The following CNTN4 variants were observed in gnomAD, a reference collection of about 807,000 sequenced individuals.
CNTN4 encodes contactin-4.
In CNTN4, 77 loss-of-function variants were observed where a neutral mutation model predicts 122.5. That is an observed-to-expected ratio of 0.63 (90% CI 0.52 to 0.76). The LOEUF is 0.76. Ranked by LOEUF, CNTN4 falls within the 30% of genes least tolerant of loss-of-function variation. The pLI, the probability that CNTN4 is intolerant of heterozygous loss-of-function variation, is 0.00. For synonymous variants in CNTN4, 512 were observed against 447.0 expected, an observed-to-expected ratio of 1.15 and a Z score of -1.83; for missense variants, 1,256 against 1,259.1, an observed-to-expected ratio of 1.00 and a Z score of 0.04.
intron 3 of CNTN4, among the ~76,000 whole-genome samples, chr3:2,357,896 A>G (rs553261100): frequency 1.1e-3 from 175 of 152,326 alleles, no homozygotes; most frequent in African/African-American, 4.0e-3. Flanking sequence ...TGAATTTCCA[A>G]AATAATACTC....
At chr3:2,201,440 A>C (rs927402956) in intron 2 of CNTN4, among the ~76,000 whole-genome samples, 2 of 152,218 alleles carry the variant, frequency 1.3e-5, no homozygotes, top group Admixed American at 6.5e-5. Context: ...CTTAATCAAC[A>C]GTTCAAATAA....
At chr3:2,574,698 C>G (rs1234638623) in intron 4 of CNTN4, among the ~76,000 whole-genome samples, 2 of 152,080 alleles carry the variant, frequency 1.3e-5, no homozygotes, top group Non-Finnish European at 2.9e-5. Context: ...AGGAAGCTAA[C>G]AAATGAGTAA....
At position 2,900,819 on chromosome 3, in the gene CNTN4, C is replaced by T. The variant is rs780506289; in HGVS notation, c.1075C>T (p.Arg359Trp). ...WLKNGEPLLT[R>W]DRIQIEQGTL... Reference sequence around the variant, plus strand: ...AAAAAATGGCGAACCTCTGCTAACTCGGGTAAGCAAGTTAATGGTAATTGT... The same window carrying T: ...AAAAAATGGCGAACCTCTGCTAACTTGGGTAAGCAAGTTAATGGTAATTGT... Residue 359 changes from arginine to tryptophan, a missense_variant and splice_region_variant, in exon 11 of 25, where the codon CGG becomes TGG. Transcript: ENST00000418658. 43 of 1,613,728 alleles carry T rather than the reference C, an allele frequency of 2.7e-5. No individual in the cohort carries two copies. The highest frequency in any genetic ancestry group is 3.4e-5 in the Non-Finnish European group (40 of 1,179,748).
intron 14 of CNTN4, among the ~76,000 whole-genome samples, chr3:3,008,732 T>G (rs1217503859): frequency 2.6e-5 from 4 of 152,158 alleles, no homozygotes; most frequent in Non-Finnish European, 5.9e-5. Context: ...CGACCCAGAT[T>G]TCTAGAGGCA....
intron 2 of CNTN4, among the ~76,000 whole-genome samples, chr3:2,195,494 A>G (rs2037791492): frequency 6.6e-6 from 1 of 152,022 alleles, no homozygotes; most frequent in Non-Finnish European, 1.5e-5. Flanking sequence ...TTTTCAAGGA[A>G]CCTCCATATT....
intron 4 of CNTN4, among the ~76,000 whole-genome samples, chr3:2,712,312 T>G (rs2149344574): frequency 6.6e-6 from 1 of 152,284 alleles, no homozygotes; most frequent in South Asian, 2.1e-4. Flanking sequence ...TTTAAAAATA[T>G]ATAGCCACGA....
intron 3 of CNTN4, among the ~76,000 whole-genome samples, chr3:2,484,984 C>T (rs1039947564): frequency 2.6e-4 from 39 of 152,178 alleles, no homozygotes; most frequent in Admixed American, 4.6e-4. Context: ...GCCGTGGGCT[C>T]GGCGGCCCGC....
chr3:2,867,587 T>A (rs2093738150), intron 8 of CNTN4, among the ~76,000 whole-genome samples: 1 of 152,116 alleles, frequency 6.6e-6, no homozygotes, highest in Admixed American at 6.6e-5. Context: ...CGGGTTTTTA[T>A]ATATGCTGTT....
At chr3:2,140,326 A>G (rs1376810822) in intron 2 of CNTN4, among the ~76,000 whole-genome samples, 1 of 152,208 alleles carries the variant, frequency 6.6e-6, no homozygotes, top group Non-Finnish European at 1.5e-5. Flanking sequence ...TGATTAACAG[A>G]AGATAAGTGC....
intron 14 of CNTN4, among the ~76,000 whole-genome samples, chr3:3,021,925 G>T (rs1418537112): frequency 2.0e-5 from 3 of 151,922 alleles, no homozygotes; most frequent in Non-Finnish European, 2.9e-5. Flanking sequence ...ATAAAACAAA[G>T]AAATAAATAA....
intron 6 of CNTN4, among the ~76,000 whole-genome samples, chr3:2,803,004 GA>G (rs1306358555): frequency 6.6e-6 from 1 of 152,106 alleles, no homozygotes; most frequent in African/African-American, 2.4e-5. Flanking sequence ...ACCAGAGAGT[GA>G]AAAAGACAGA....
intron 4 of CNTN4, among the ~76,000 whole-genome samples, chr3:2,632,428 G>A (rs984464155): frequency 6.6e-6 from 1 of 152,032 alleles, no homozygotes; most frequent in Non-Finnish European, 1.5e-5. Context: ...CCTATCCTCA[G>A]GGGTCATGTT....
At chr3:2,994,613 ATGTG>A (rs1553719119) in intron 14 of CNTN4, among the ~76,000 whole-genome samples, 2 of 142,154 alleles carry the variant, frequency 1.4e-5, no homozygotes, top group African/African-American at 2.6e-5. Context: ...ATATATATAT[ATGTG>A]TGTATATATA....
rs781166270 is a variant in CNTN4, at chr3:2,988,449, G to A, written c.1463G>A (p.Ser488Asn). 8.1e-6 allele frequency: 13 copies of A among 1,613,672 alleles called. No individual in the cohort carries two copies. Among genetic ancestry groups the A allele is most frequent in the African/African-American group, 1.3e-5 (1 of 74,902 alleles). The change falls in exon 14 of 25, where the codon AGT becomes AAT. Residue 488 changes from serine (S) to asparagine (N), a missense_variant. Coordinates refer to ENST00000418658, the MANE Select transcript of CNTN4 (RefSeq NM_175607.3). ...IATNHFGTAS[S>N]TGNLVVKDPT... The stretch of plus-strand genomic sequence containing the variant: ...ACTAACCATTTTGGAACTGCTAGCA[G>A]TACTGGAAACTTGGTAGTGAAAGGT...
At chr3:2,916,079 C>T (rs2094350292) in intron 12 of CNTN4, among the ~76,000 whole-genome samples, 1 of 152,088 alleles carries the variant, frequency 6.6e-6, no homozygotes, top group African/African-American at 2.4e-5. Context: ...TGTTGCAAAA[C>T]GAAAACATTC....
intron 14 of CNTN4, among the ~76,000 whole-genome samples, chr3:3,023,738 G>T (rs1272560815): frequency 6.6e-6 from 1 of 152,186 alleles, no homozygotes; most frequent in Non-Finnish European, 1.5e-5. Context: ...GACACGTGCA[G>T]TGAAGCCCTC....
intron 20 of CNTN4, 66 bp downstream of exon 20, chr3:3,040,337 G>C (rs1700038601): frequency 8.2e-7 from 1 of 1,214,408 alleles, no homozygotes; most frequent in Non-Finnish European, 1.2e-6. Flanking sequence ...GTGGATTGTA[G>C]CACGTACAAT....
intron 4 of CNTN4, among the ~76,000 whole-genome samples, chr3:2,616,719 C>A (rs1404104705): frequency 6.6e-6 from 1 of 152,148 alleles, no homozygotes; most frequent in South Asian, 2.1e-4. Flanking sequence ...CTGGAGGCAT[C>A]GTGCTCCCTG....
intron 3 of CNTN4, among the ~76,000 whole-genome samples, chr3:2,409,927 G>A (rs1208935063): frequency 3.9e-5 from 6 of 152,148 alleles, no homozygotes; most frequent in Non-Finnish European, 8.8e-5. Flanking sequence ...TAATTTACCA[G>A]TATGGGTTTG....
Sources: gnomAD v4.1 joint callset for allele counts (sites outside exome capture counted in the v4.1 genomes callset) on GRCh38, gnomAD v4.1.1 for gene constraint, MANE v1.5 for transcripts, NCBI Gene and HGNC (gene_info 2026-07-23, HGNC 2026-07-21) for gene names.